Variants in INPP5A observed in about 807,000 individuals in gnomAD.
The protein encoded by INPP5A is 43 kDa inositol polyphosphate 5-phophatase.
INPP5A carries 14 observed loss-of-function variants against 65.2 expected under a neutral mutation model. The observed-to-expected ratio is 0.21, with a 90% CI of 0.14 to 0.34. The LOEUF (loss-of-function observed/expected upper bound fraction) is 0.34. INPP5A is among the 10% of genes least tolerant of loss of function. The probability of loss-of-function intolerance (pLI) is 1.00; values close to 1 mark genes in which losing one functional copy is unlikely to be tolerated. For missense variants in INPP5A, 431 were observed against 545.6 expected (o/e 0.79, Z 2.09); for synonymous variants, 207 against 208.3 (o/e 0.99, Z 0.05).
At position 132,659,973 on chromosome 10, in the gene INPP5A, C is replaced by T. The variant is rs2072714214; in HGVS notation, c.306+9468C>T. Among the ~76,000 whole-genome samples the T allele has an allele frequency of 6.6e-6, 1 of 152,276 alleles. No individual in the cohort carries two copies. Among genetic ancestry groups the T allele is most frequent in the Non-Finnish European group, 1.5e-5 (1 of 68,042 alleles). ...GCGGCATACTCCCTGTGACATGGCA[C>T]ATGACACGTGACACAACACATTCTC... On this transcript the variant is annotated intron_variant, in intron 4 of 15. Coordinates refer to ENST00000368594, the MANE Select transcript of INPP5A (RefSeq NM_005539.5). The surrounding 1 kb of genome is among the most constrained non-coding windows in gnomAD (Gnocchi z 5.5).
chr10:132,713,195 TGTATGTGTGTAG>T (rs1159096973), intron 8 of INPP5A, among the ~76,000 whole-genome samples: 5 of 151,888 alleles, frequency 3.3e-5, no homozygotes, highest in Non-Finnish European at 7.4e-5. Flanking sequence ...TATGTGCACA[TGTATGTGTGTAG>T]GTATGGGTGT....
chr10:132,608,282 G>A (rs1219408662), intron 2 of INPP5A, among the ~76,000 whole-genome samples: 1 of 152,246 alleles, frequency 6.6e-6, no homozygotes, highest in African/African-American at 2.4e-5. Context: ...CAGTGGGGCC[G>A]TGGAGAGCTG....
chr10:132,690,268 T>A, intron 4 of INPP5A, 124 bp from the exon 5 acceptor site: 1 of 706,590 alleles, frequency 1.4e-6, no homozygotes, highest in Middle Eastern at 4.1e-4. Flanking sequence ...TAACTGTGAT[T>A]AAATTATAAC....
intron 12 of INPP5A, among the ~76,000 whole-genome samples, chr10:132,773,170 C>T (rs940288370): frequency 2.6e-5 from 4 of 152,224 alleles, no homozygotes; most frequent in Non-Finnish European, 5.9e-5. Context: ...GTGTGCCTCA[C>T]TGTGAAGTGA....
rs2072197690 is a variant in INPP5A, at chr10:132,627,281, G to C, written c.118-18587G>C. ...GCCTCTGCCGACCGAGGGAGGGGCT[G>C]AGGGTGGACAGGCTGGGAATACCTC... On this transcript the variant is annotated intron_variant, in intron 2 of 15. Transcript: ENST00000368594. The surrounding 1 kb of genome is among the most constrained non-coding windows in gnomAD (Gnocchi z 6.6). Among the ~76,000 whole-genome samples, 1 of 152,228 alleles carries C rather than the reference G, an allele frequency of 6.6e-6. No individual in the cohort carries two copies. The highest frequency in any genetic ancestry group is 6.5e-5 in the Admixed American group (1 of 15,292).
intron 4 of INPP5A, among the ~76,000 whole-genome samples, chr10:132,665,636 T>C (rs1331233865): frequency 1.4e-5 from 2 of 141,982 alleles, no homozygotes; most frequent in Non-Finnish European, 3.1e-5. Flanking sequence ...TGCTTGAGCT[T>C]AGGAGTAATC....
At chr10:132,763,671 A>G (rs1433685733) in intron 11 of INPP5A, among the ~76,000 whole-genome samples, 1 of 152,090 alleles carries the variant, frequency 6.6e-6, no homozygotes, top group East Asian at 1.9e-4. Flanking sequence ...CTGTGCACAC[A>G]TAAACACGTG....
At chr10:132,748,548 C>T (rs901825578) in intron 9 of INPP5A, among the ~76,000 whole-genome samples, 1 of 152,240 alleles carries the variant, frequency 6.6e-6, no homozygotes, top group Non-Finnish European at 1.5e-5. Flanking sequence ...GGGTCTCCAG[C>T]TCTCTTACCT....
intron 1 of INPP5A, among the ~76,000 whole-genome samples, chr10:132,605,019 G>A (rs2071827749): frequency 6.6e-6 from 1 of 152,018 alleles, no homozygotes; most frequent in Admixed American, 6.6e-5. Flanking sequence ...CCTGGAGGGT[G>A]GATCCACTTG....
chr10:132,592,297 C>T (rs1002538657), intron 1 of INPP5A, among the ~76,000 whole-genome samples: 2 of 152,232 alleles, frequency 1.3e-5, no homozygotes, highest in African/African-American at 4.8e-5. Context: ...AGGATTCATA[C>T]AGTTTAACAA....
At position 132,735,663 on chromosome 10, in the gene INPP5A, G is replaced by A. The variant is rs112150101; in HGVS notation, c.732+8758G>A. ...CCGCGTTCCTCTGCCTGCTCACAGCGCCTCCTTGGTGCCCTCAGTGGCAGG... is the reference window on the plus strand; with the variant it reads ...CCGCGTTCCTCTGCCTGCTCACAGCACCTCCTTGGTGCCCTCAGTGGCAGG... On this transcript the variant is annotated intron_variant, in intron 9 of 15. Transcript: ENST00000368594. Among the ~76,000 whole-genome samples, 574 of 152,340 alleles carry A rather than the reference G, an allele frequency of 3.8e-3. 2 individuals carry two copies. Among genetic ancestry groups the A allele is most frequent in the African/African-American group, 0.013 (525 of 41,580 alleles).
chr10:132,712,331 G>T (rs1427983868), intron 8 of INPP5A, among the ~76,000 whole-genome samples: 1 of 152,124 alleles, frequency 6.6e-6, no homozygotes, highest in Non-Finnish European at 1.5e-5. Flanking sequence ...TTGTGTGGGG[G>T]TGGGTGTGCG....
chr10:132,766,403 G>A (rs1027315737), intron 12 of INPP5A, among the ~76,000 whole-genome samples: 1 of 152,210 alleles, frequency 6.6e-6, no homozygotes, highest in Admixed American at 6.5e-5. Flanking sequence ...TGGCAATATC[G>A]GGGCCTCCAA....
intron 4 of INPP5A, among the ~76,000 whole-genome samples, chr10:132,660,306 T>C (rs952008053): frequency 6.6e-6 from 1 of 152,090 alleles, no homozygotes; most frequent in Non-Finnish European, 1.5e-5. Context: ...GGTATGGAGA[T>C]AAATACCAAA....
At chr10:132,564,182 A>T (rs2071242859) in intron 1 of INPP5A, among the ~76,000 whole-genome samples, 1 of 151,936 alleles carries the variant, frequency 6.6e-6, no homozygotes, top group Non-Finnish European at 1.5e-5. Flanking sequence ...GTTTGGGGAA[A>T]TGTGGCGTGC....
At chr10:132,577,476 C>T (rs986943351) in intron 1 of INPP5A, among the ~76,000 whole-genome samples, 5 of 152,318 alleles carry the variant, frequency 3.3e-5, no homozygotes, top group Middle Eastern at 3.4e-3. Context: ...GGCCAGGGAA[C>T]GGGACATGGC....
chr10:132,598,333 G>A (rs1330303148), intron 1 of INPP5A, among the ~76,000 whole-genome samples: 1 of 152,174 alleles, frequency 6.6e-6, no homozygotes, highest in African/African-American at 2.4e-5. Context: ...AACCATCACT[G>A]TCATCCATCT....
At chr10:132,758,088 C>G (rs1846661483) in intron 11 of INPP5A, among the ~76,000 whole-genome samples, 1 of 141,854 alleles carries the variant, frequency 7.0e-6, no homozygotes, top group African/African-American at 2.7e-5. Flanking sequence ...TGGCTGACCC[C>G]ATAGCCCGGC....
chr10:132,716,688 T>TG (rs1183153625), intron 8 of INPP5A, among the ~76,000 whole-genome samples: 3 of 151,656 alleles, frequency 2.0e-5, no homozygotes, highest in Non-Finnish European at 4.4e-5. Flanking sequence ...TGGAGAGGAG[T>TG]GGGGGGTCCT....
Sources: allele counts gnomAD v4.1 joint callset (sites outside exome capture counted in the v4.1 genomes callset), GRCh38; gene constraint gnomAD v4.1.1; non-coding constraint Gnocchi (gnomAD v3.1); transcripts MANE v1.5; gene names NCBI Gene and HGNC (gene_info 2026-07-23, HGNC 2026-07-21).